MAST4: variants seen among roughly 807,000 people sequenced by gnomAD.
The protein encoded by MAST4 is microtubule-associated serine/threonine-protein kinase 4.
A neutral mutation model predicts 162.7 loss-of-function variants in MAST4; 89 were observed. The ratio of observed to expected loss-of-function variants is 0.55; its 90% CI spans 0.46 to 0.65. The LOEUF (loss-of-function observed/expected upper bound fraction) is 0.65. MAST4 is among the 30% of genes least tolerant of loss of function. MAST4 has a pLI of 0.00. For missense variants in MAST4, 3,153 were observed against 3,374.0 expected, an observed-to-expected ratio of 0.93 and a Z score of 1.62; for synonymous variants, 1,479 against 1,361.1, an observed-to-expected ratio of 1.09 and a Z score of -1.91.
intron 1 of MAST4, among the ~76,000 whole-genome samples, chr5:66,748,323 C>T (rs1752892987): frequency 6.6e-6 from 1 of 151,652 alleles, no homozygotes; most frequent in Admixed American, 6.6e-5. Context: ...GGATGCTATG[C>T]AATATAGGCC....
At chr5:66,648,343 A>G (rs1350265641) in intron 1 of MAST4, among the ~76,000 whole-genome samples, 1 of 152,078 alleles carries the variant, frequency 6.6e-6, no homozygotes, top group African/African-American at 2.4e-5. Context: ...TTTGGTGAAA[A>G]AAGAATCAAG....
At chr5:67,086,584 C>T (rs952878162) in intron 5 of MAST4, among the ~76,000 whole-genome samples, 7 of 152,206 alleles carry the variant, frequency 4.6e-5, no homozygotes, top group Non-Finnish European at 1.0e-4. Context: ...ACATCAGCAG[C>T]GATACCAGCA....
intron 26 of MAST4, among the ~76,000 whole-genome samples, chr5:67,155,718 G>A (rs892919688): frequency 3.3e-5 from 5 of 152,062 alleles, no homozygotes; most frequent in African/African-American, 1.2e-4. Flanking sequence ...CTGTCAAGCC[G>A]CTGATGTGCA....
intron 1 of MAST4, among the ~76,000 whole-genome samples, chr5:66,754,544 A>G (rs556553368): frequency 5.3e-5 from 8 of 151,978 alleles, no homozygotes; most frequent in Admixed American, 2.0e-4. Context: ...TGTGTTTTCT[A>G]TTTTTTTCCT....
At position 66,829,924 on chromosome 5, in the gene MAST4, C is replaced by T. The variant is rs1456336299; in HGVS notation, c.642+41130C>T. 2.6e-5 allele frequency among the ~76,000 whole-genome samples: 4 copies of T among 152,144 alleles called. No individual in the cohort carries two copies. The East Asian group carries it at 7.7e-4, about 29-fold the overall frequency. On this transcript the variant is annotated intron_variant, in intron 3 of 28. Transcript: ENST00000403625. ...GATTAGAGAAGTTGGGGTTACATAC[C>T]ATCTATTGTTCAAACCTAAGTAAAC...
At chr5:66,786,485 TAGG>T (rs1278936049) in intron 2 of MAST4, among the ~76,000 whole-genome samples, 5 of 151,954 alleles carry the variant, frequency 3.3e-5, no homozygotes, top group African/African-American at 1.2e-4. Context: ...GAAAATGACA[TAGG>T]AGGGAGGAAA....
chr5:66,881,660 A>T (rs1761703935), intron 3 of MAST4, among the ~76,000 whole-genome samples: 1 of 152,218 alleles, frequency 6.6e-6, no homozygotes, highest in East Asian at 1.9e-4. Context: ...ATTTGCCAAG[A>T]TAGGATTAGT....
At chr5:67,130,869 GC>G (rs1308319398) in intron 15 of MAST4, among the ~76,000 whole-genome samples, 1 of 152,066 alleles carries the variant, frequency 6.6e-6, no homozygotes, top group Non-Finnish European at 1.5e-5. Context: ...CCGATTTTTA[GC>G]TTTTTTTTCT....
At chr5:66,845,582 C>G (rs1258098973) in intron 3 of MAST4, among the ~76,000 whole-genome samples, 3 of 152,102 alleles carry the variant, frequency 2.0e-5, no homozygotes, top group African/African-American at 7.2e-5. Flanking sequence ...CATACGTGTG[C>G]ATGTGTCTTT....
chr5:66,911,166 C>T (rs1481945256), intron 4 of MAST4, among the ~76,000 whole-genome samples: 1 of 152,206 alleles, frequency 6.6e-6, no homozygotes, highest in Non-Finnish European at 1.5e-5. Context: ...TAACTGCATA[C>T]TTCCTCCCAG....
intron 18 of MAST4, among the ~76,000 whole-genome samples, chr5:67,134,911 G>T (rs543870081): frequency 1.3e-5 from 2 of 152,240 alleles, no homozygotes; most frequent in Non-Finnish European, 2.9e-5. Flanking sequence ...CATAGAATTT[G>T]GAAATGTACT....
chr5:66,889,862 G>A (rs1019413161), intron 3 of MAST4, among the ~76,000 whole-genome samples: 2 of 152,138 alleles, frequency 1.3e-5, no homozygotes, highest in African/African-American at 4.8e-5. Flanking sequence ...TTGAATCTTA[G>A]GGAAGTTAAA....
chr5:67,083,564 A>T (rs1300049648), intron 5 of MAST4, among the ~76,000 whole-genome samples: 1 of 152,158 alleles, frequency 6.6e-6, no homozygotes, highest in Non-Finnish European at 1.5e-5. Context: ...TCTAGGAAAA[A>T]GGGGGAATTC....
intron 3 of MAST4, among the ~76,000 whole-genome samples, chr5:66,811,883 G>A (rs77362262): frequency 0.039 from 5,928 of 152,308 alleles, 178 homozygotes; most frequent in South Asian, 0.13. Context: ...GGGGTGGGTA[G>A]AGAACCTGGT....
chr5:66,826,049 T>C (rs1288183641), intron 3 of MAST4, among the ~76,000 whole-genome samples: 1 of 152,224 alleles, frequency 6.6e-6, no homozygotes, highest in African/African-American at 2.4e-5. Context: ...TGAGAAAATA[T>C]ATAGCAAAGG....
At chr5:66,750,501 G>C (rs1003810309) in intron 1 of MAST4, among the ~76,000 whole-genome samples, 1 of 152,218 alleles carries the variant, frequency 6.6e-6, no homozygotes, top group Non-Finnish European at 1.5e-5. Flanking sequence ...AAGGGGTCAG[G>C]GAGTTCCCTT....
intron 4 of MAST4, among the ~76,000 whole-genome samples, chr5:66,949,163 G>A (rs1196753983): frequency 6.6e-6 from 1 of 152,136 alleles, no homozygotes; most frequent in Non-Finnish European, 1.5e-5. Context: ...ATCTGGAAAA[G>A]CACAGCTTAC....
intron 1 of MAST4, among the ~76,000 whole-genome samples, chr5:66,721,552 T>G (rs1751211021): frequency 6.6e-6 from 1 of 151,440 alleles, no homozygotes; most frequent in Non-Finnish European, 1.5e-5. Flanking sequence ...GACCTCTTAA[T>G]GTTAGAGTCC....
intron 1 of MAST4, among the ~76,000 whole-genome samples, chr5:66,631,961 C>G (rs1744821876): frequency 6.6e-6 from 1 of 152,154 alleles, no homozygotes; most frequent in African/African-American, 2.4e-5. Context: ...CCCCACGCTC[C>G]TACAAGTTAT....
Sources: gnomAD v4.1 joint callset for allele counts (sites outside exome capture counted in the v4.1 genomes callset) on GRCh38, gnomAD v4.1.1 for gene constraint, MANE v1.5 for transcripts, NCBI Gene and HGNC (gene_info 2026-07-23, HGNC 2026-07-21) for gene names.